The following ACOXL variants were observed in gnomAD, a reference collection of about 807,000 sequenced individuals.
The protein encoded by ACOXL is acyl-CoA oxidase like, also known as acyl-coenzyme A oxidase-like protein.
In ACOXL, 70 loss-of-function variants were observed where a neutral mutation model predicts 71.9. That is an observed-to-expected ratio of 0.97 (90% CI 0.80 to 1.19). The LOEUF is 1.19. Ranked by LOEUF, ACOXL falls within the 50% of genes most tolerant of loss-of-function variation. ACOXL has a pLI of 0.00. For missense variants in ACOXL, 703 were observed against 736.3 expected (o/e 0.95, Z 0.52); for synonymous variants, 253 against 281.6 (o/e 0.90, Z 1.02).
At chr2:110,907,744 T>G (rs930481965) in intron 10 of ACOXL, among the ~76,000 whole-genome samples, 1 of 152,218 alleles carries the variant, frequency 6.6e-6, no homozygotes, top group South Asian at 2.1e-4. Context: ...ACCAGACTTA[T>G]GAGATGCCTT....
chr2:110,859,758 C>A (rs1373764271), intron 10 of ACOXL, among the ~76,000 whole-genome samples: 1 of 152,304 alleles, frequency 6.6e-6, no homozygotes, highest in East Asian at 1.9e-4. Context: ...CGCTTGGCAC[C>A]CCAGCAGGAC....
At chr2:110,819,176 C>T (rs192274538) in intron 9 of ACOXL, among the ~76,000 whole-genome samples, 4 of 152,232 alleles carry the variant, frequency 2.6e-5, no homozygotes, top group Admixed American at 6.5e-5. Flanking sequence ...TAGCAAATGT[C>T]CAATAGATTG....
At chr2:110,956,915 T>C (rs1156398317) in intron 12 of ACOXL, among the ~76,000 whole-genome samples, 1 of 152,176 alleles carries the variant, frequency 6.6e-6, no homozygotes, top group South Asian at 2.1e-4. Context: ...CAATAGTTGC[T>C]AAGAGGCTCG....
At chr2:110,752,513 T>C (rs577774121) in intron 1 of ACOXL, among the ~76,000 whole-genome samples, 11 of 151,144 alleles carry the variant, frequency 7.3e-5, no homozygotes, top group African/African-American at 2.4e-4. Context: ...GGATAGCAGC[T>C]AGCACTTTCG....
chr2:110,747,151 AC>A (rs1678334031), intron 1 of ACOXL, among the ~76,000 whole-genome samples: 4 of 152,026 alleles, frequency 2.6e-5, no homozygotes, highest in African/African-American at 9.7e-5. Context: ...GCTTGTTGAA[AC>A]TGTGCTGGGT....
At chr2:110,937,467 A>G (rs1353311200) in intron 12 of ACOXL, among the ~76,000 whole-genome samples, 2 of 152,246 alleles carry the variant, frequency 1.3e-5, no homozygotes, top group Admixed American at 6.5e-5. Flanking sequence ...ATTAGATCAC[A>G]GTATCACGGC....
At chr2:110,895,714 A>G (rs1399869354) in intron 10 of ACOXL, among the ~76,000 whole-genome samples, 2 of 152,086 alleles carry the variant, frequency 1.3e-5, no homozygotes, top group African/African-American at 4.8e-5. Context: ...CAAATTTTAC[A>G]TCAAAAACCA....
At chr2:110,839,309 C>T (rs1352133728) in intron 9 of ACOXL, among the ~76,000 whole-genome samples, 1 of 152,202 alleles carries the variant, frequency 6.6e-6, no homozygotes, top group East Asian at 1.9e-4. Context: ...GTTTTAATCC[C>T]AGGAAATGTA....
chr2:110,794,230 C>A, intron 5 of ACOXL, 56 bp downstream of exon 5: 2 of 1,514,390 alleles, frequency 1.3e-6, no homozygotes. Flanking sequence ...TGGACAGAAA[C>A]AGATCTCCTT....
At chr2:111,109,205 G>A (rs1574791224) in intron 17 of ACOXL, among the ~76,000 whole-genome samples, 1 of 152,096 alleles carries the variant, frequency 6.6e-6, no homozygotes, top group African/African-American at 2.4e-5. Flanking sequence ...AACACAGTTT[G>A]TATTGAAAAA....
At chr2:110,860,041 T>C (rs963217145) in intron 10 of ACOXL, among the ~76,000 whole-genome samples, 1 of 152,226 alleles carries the variant, frequency 6.6e-6, no homozygotes, top group South Asian at 2.1e-4. Flanking sequence ...CAGCACTGGT[T>C]TCACATTTTG....
intron 9 of ACOXL, among the ~76,000 whole-genome samples, chr2:110,813,104 GA>G (rs1274507207): frequency 6.6e-6 from 1 of 152,228 alleles, no homozygotes; most frequent in African/African-American, 2.4e-5. Context: ...CCAATGAGTA[GA>G]GTATCTGCGT....
intron 16 of ACOXL, among the ~76,000 whole-genome samples, chr2:111,049,796 C>G (rs934872378): frequency 4.7e-5 from 7 of 150,498 alleles, no homozygotes. Context: ...TTCTTCCCCC[C>G]AACCCCCCGC....
chr2:110,880,153 CAAAAAAA>C (rs56852121), intron 10 of ACOXL, among the ~76,000 whole-genome samples: 11 of 84,722 alleles, frequency 1.3e-4, no homozygotes, highest in Admixed American at 4.1e-4. Context: ...CTGTCACAAA[CAAAAAAA>C]AAAAAAAAAA....
chr2:110,798,533 G>A, intron 5 of ACOXL, 77 bp from the exon 6 acceptor site: 1 of 1,190,144 alleles, frequency 8.4e-7, no homozygotes, highest in Non-Finnish European at 1.3e-6. Flanking sequence ...TGGGATTACA[G>A]TATTCATTGC....
intron 11 of ACOXL, among the ~76,000 whole-genome samples, chr2:110,924,552 C>T (rs1360867002): frequency 6.6e-6 from 1 of 152,170 alleles, no homozygotes; most frequent in Non-Finnish European, 1.5e-5. Context: ...CAAGAAACCA[C>T]TTTCTTTGCT....
At chr2:110,802,879 A>G (rs1559282840) in intron 8 of ACOXL, among the ~76,000 whole-genome samples, 1 of 152,302 alleles carries the variant, frequency 6.6e-6, no homozygotes, top group East Asian at 1.9e-4. Flanking sequence ...CAAGTTTTGA[A>G]TGTCCTCATT....
intron 12 of ACOXL, among the ~76,000 whole-genome samples, chr2:110,983,026 G>T (rs982139369): frequency 9.9e-5 from 15 of 152,206 alleles, no homozygotes; most frequent in African/African-American, 3.6e-4. Context: ...GGGGCCCAGT[G>T]CCGTAAGTAC....
At chr2:110,739,563 A>T (rs1479233899) in intron 1 of ACOXL, among the ~76,000 whole-genome samples, 2 of 152,216 alleles carry the variant, frequency 1.3e-5, no homozygotes. Flanking sequence ...TGCATTGGTA[A>T]GTGGTGGCTC....
Sources: allele counts gnomAD v4.1 joint callset (sites outside exome capture counted in the v4.1 genomes callset), GRCh38; gene constraint gnomAD v4.1.1; transcripts MANE v1.5; gene names NCBI Gene and HGNC (gene_info 2026-07-23, HGNC 2026-07-21).